Variants in INPP5A observed in about 807,000 individuals in gnomAD.
INPP5A encodes 43 kDa inositol polyphosphate 5-phophatase.
Under a neutral mutation model 65.2 loss-of-function variants are expected in INPP5A, and 14 were observed. The ratio of observed to expected loss-of-function variants is 0.21; its 90% confidence interval spans 0.14 to 0.34. The LOEUF is 0.34. Among genes scored for constraint, INPP5A ranks in the 10% least tolerant of loss-of-function variants. INPP5A has a pLI of 1.00. For synonymous variants in INPP5A, 207 were observed against 208.3 expected, an observed-to-expected ratio of 0.99 and a Z score of 0.05; for missense variants, 431 against 545.6, an observed-to-expected ratio of 0.79 and a Z score of 2.09.
chr10:132,750,948 G>A (rs527708213), intron 11 of INPP5A, among the ~76,000 whole-genome samples: 2 of 152,340 alleles, frequency 1.3e-5, no homozygotes, highest in South Asian at 4.1e-4. Context: ...GTGTCTGTGT[G>A]TCAGTTTCCC....
chr10:132,713,236 G>A (rs1281423371), intron 8 of INPP5A, among the ~76,000 whole-genome samples: 2 of 151,758 alleles, frequency 1.3e-5, no homozygotes, highest in East Asian at 3.9e-4. Flanking sequence ...GTGTGTAGGT[G>A]TACAGGTGTG....
rs2072439961 is a variant in INPP5A at position 132,642,582 on chromosome 10, C to T, written c.118-3286C>T. On this transcript the variant is annotated intron_variant, in intron 2 of 15. Transcript: ENST00000368594. The stretch of plus-strand genomic sequence containing the variant: ...GCCTACAGAGCTGTGTGCGTCGCAG[C>T]CCCCTCTCCTCCCCTGTCACTCCGG... Among the ~76,000 whole-genome samples the T allele has an allele frequency of 2.0e-5, 3 of 152,202 alleles. No individual in the cohort carries two copies. In the South Asian group the frequency reaches 6.2e-4, roughly 32 times the overall value.
intron 4 of INPP5A, among the ~76,000 whole-genome samples, chr10:132,656,918 C>T (rs1047489404): frequency 6.6e-6 from 1 of 152,196 alleles, no homozygotes; most frequent in Non-Finnish European, 1.5e-5. Context: ...TGCCAGGAGT[C>T]TCTGGGCAGA....
chr10:132,670,058 G>A (rs1049652417), intron 4 of INPP5A, among the ~76,000 whole-genome samples: 13 of 66,212 alleles, frequency 2.0e-4, no homozygotes, highest in South Asian at 4.9e-4. Flanking sequence ...CACTGCACAC[G>A]TTCTCAGCCC....
Position 132,585,403 on chromosome 10 carries a change from G to A in INPP5A, c.76-22512G>A, listed in dbSNP as rs73397352. ...GCACATTCATGTAACTTCTTTTGCCGTATATTGTCCTAGTTGTTCTATTTT... is the reference window on the plus strand; with the variant it reads ...GCACATTCATGTAACTTCTTTTGCCATATATTGTCCTAGTTGTTCTATTTT... On this transcript the variant is annotated intron_variant, in intron 1 of 15. Transcript: ENST00000368594. Among the ~76,000 whole-genome samples the A allele has an allele frequency of 2.9e-3, 443 of 152,268 alleles. 2 individuals are homozygous for A. Among genetic ancestry groups the A allele is most frequent in the African/African-American group, 0.01 (418 of 41,542 alleles).
At chr10:132,554,725 G>A (rs1047373084) in intron 1 of INPP5A, among the ~76,000 whole-genome samples, 88 of 150,744 alleles carry the variant, frequency 5.8e-4, no homozygotes, top group African/African-American at 1.8e-3. Flanking sequence ...TGTGGGTGGC[G>A]TGGTATTGTG....
chr10:132,543,474 T>C (rs1215739088), intron 1 of INPP5A, among the ~76,000 whole-genome samples: 1 of 152,218 alleles, frequency 6.6e-6, no homozygotes, highest in Non-Finnish European at 1.5e-5. Flanking sequence ...TGGAATGCAA[T>C]GGTGTGATCG....
intron 1 of INPP5A, among the ~76,000 whole-genome samples, chr10:132,598,737 G>A (rs1282290924): frequency 6.6e-6 from 1 of 152,176 alleles, no homozygotes; most frequent in African/African-American, 2.4e-5. Context: ...TCATGCTGCT[G>A]ATAAAGACGT....
At chr10:132,721,232 T>A (rs1372617587) in intron 8 of INPP5A, among the ~76,000 whole-genome samples, 2 of 150,092 alleles carry the variant, frequency 1.3e-5, no homozygotes, top group Non-Finnish European at 3.0e-5. Flanking sequence ...TCTTCAGGGT[T>A]CTGTGGTGCC....
At chr10:132,589,792 C>T (rs1403187810) in intron 1 of INPP5A, among the ~76,000 whole-genome samples, 2 of 152,236 alleles carry the variant, frequency 1.3e-5, no homozygotes, top group Non-Finnish European at 2.9e-5. Context: ...ACGCTCCTGG[C>T]TTTCCACTCT....
At chr10:132,724,931 C>G (rs1240528239) in intron 8 of INPP5A, among the ~76,000 whole-genome samples, 1 of 150,014 alleles carries the variant, frequency 6.7e-6, no homozygotes, top group Non-Finnish European at 1.5e-5. Flanking sequence ...ACGGGGATCA[C>G]TCTCCAGAAC....
intron 4 of INPP5A, among the ~76,000 whole-genome samples, chr10:132,680,958 G>A (rs533953708): frequency 6.6e-6 from 1 of 152,344 alleles, no homozygotes; most frequent in South Asian, 2.1e-4. Context: ...CTCCTGTGCG[G>A]CCGGAGCCTC....
At chr10:132,613,168 T>C (rs914904654) in intron 2 of INPP5A, among the ~76,000 whole-genome samples, 2 of 152,224 alleles carry the variant, frequency 1.3e-5, no homozygotes, top group Non-Finnish European at 2.9e-5. Context: ...GCGTTGATAG[T>C]AGAGTTCGCC....
chr10:132,578,334 C>G lies in INPP5A; in HGVS notation c.76-29581C>G, dbSNP rs1376159936. Among the ~76,000 whole-genome samples the G allele has an allele frequency of 2.0e-5, 3 of 152,150 alleles. No individual in the cohort carries two copies. In the East Asian group the frequency reaches 5.8e-4, roughly 29 times the overall value. ...CTATGGGGATCTTTGTAGCACAAGC[C>G]CGAGCCTTATCAAAGACCCTGGTTC... On this transcript the variant is annotated intron_variant, in intron 1 of 15. Transcript: ENST00000368594.
intron 1 of INPP5A, among the ~76,000 whole-genome samples, chr10:132,586,847 C>T (rs540216504): frequency 8.3e-4 from 126 of 151,936 alleles, no homozygotes; most frequent in Admixed American, 1.5e-3. Context: ...GGCGAGGCCA[C>T]GGTTCTCTCC....
chr10:132,749,150 G>C (rs536747325), intron 9 of INPP5A, among the ~76,000 whole-genome samples: 2 of 152,280 alleles, frequency 1.3e-5, no homozygotes, highest in Non-Finnish European at 2.9e-5. Flanking sequence ...GAGAGCGAGC[G>C]GGAGGAGGCC....
intron 11 of INPP5A, among the ~76,000 whole-genome samples, chr10:132,751,883 C>CCAGGAGG: frequency 5.5e-5 from 6 of 109,968 alleles, no homozygotes; most frequent in African/African-American, 1.6e-4. Flanking sequence ...AGGCGGGTGC[C>CCAGGAGG]TAGGAGGTGT....
Position 132,593,614 on chromosome 10 carries a change from T to G in INPP5A, c.76-14301T>G, listed in dbSNP as rs181616966. On this transcript the variant is annotated intron_variant, in intron 1 of 15. Coordinates refer to ENST00000368594, the MANE Select transcript of INPP5A (RefSeq NM_005539.5). ...ATGACTGGGGTCGGGGGGTAGTCCC[T>G]CCAGTCTCTTCTTGCTGGTGTGGTT... is the stretch of plus-strand genomic sequence containing the variant. 5.3e-5 allele frequency among the ~76,000 whole-genome samples: 8 copies of G among 152,358 alleles called. No homozygotes were observed. The East Asian group carries it at 1.5e-3, about 29-fold the overall frequency.
chr10:132,596,939 G>GTGTGCATGTGTGCGCGCATT (rs2071706032), intron 1 of INPP5A, among the ~76,000 whole-genome samples: 2 of 26,650 alleles, frequency 7.5e-5, no homozygotes, highest in African/African-American at 2.4e-4. Context: ...GTGCACGCAT[G>GTGTGCATGTGTGCGCGCATT]TGTGCGTGTG....
Sources: gnomAD v4.1 joint callset for allele counts (sites outside exome capture counted in the v4.1 genomes callset) on GRCh38, gnomAD v4.1.1 for gene constraint, MANE v1.5 for transcripts, NCBI Gene and HGNC (gene_info 2026-07-23, HGNC 2026-07-21) for gene names.